The following FILIP1L variants were observed in gnomAD, a reference collection of about 807,000 sequenced individuals.
The protein encoded by FILIP1L is filamin A-interacting protein 1-like.
A neutral mutation model predicts 96.6 loss-of-function variants in FILIP1L; 55 were observed. The ratio of observed to expected loss-of-function variants is 0.57; its 90% CI spans 0.46 to 0.71. The LOEUF is 0.71. Ranked by LOEUF, FILIP1L falls within the 30% of genes least tolerant of loss-of-function variation. FILIP1L has a pLI of 0.00. For synonymous variants in FILIP1L, 467 were observed against 473.9 expected (o/e 0.99, Z 0.19); for missense variants, 1,304 against 1,321.2 (o/e 0.99, Z 0.20).
chr3:99,906,065 T>C (rs1706606267), intron 4 of FILIP1L, among the ~76,000 whole-genome samples: 1 of 152,082 alleles, frequency 6.6e-6, no homozygotes, highest in Non-Finnish European at 1.5e-5. Context: ...TGGTGGTGCA[T>C]GCCTGTGGTC....
At chr3:99,893,607 T>A (rs1049888665) in intron 4 of FILIP1L, among the ~76,000 whole-genome samples, 1 of 152,218 alleles carries the variant, frequency 6.6e-6, no homozygotes, top group African/African-American at 2.4e-5. Context: ...TACTATCATG[T>A]AGGTATCTAA....
intron 4 of FILIP1L, among the ~76,000 whole-genome samples, chr3:99,891,166 T>A (rs1706071566): frequency 6.6e-6 from 1 of 152,112 alleles, no homozygotes; most frequent in African/African-American, 2.4e-5. Flanking sequence ...TAACTCCCAA[T>A]GCCATAGTTC....
intron 1 of FILIP1L, among the ~76,000 whole-genome samples, chr3:99,991,543 C>T (rs1303808441): frequency 1.3e-5 from 2 of 151,486 alleles, no homozygotes. Context: ...TTTAGTGTAC[C>T]CATCACCCAA....
intron 1 of FILIP1L, among the ~76,000 whole-genome samples, chr3:100,069,187 G>A (rs1979629): frequency 0.085 from 12,887 of 152,136 alleles, 734 homozygotes; most frequent in Middle Eastern, 0.19. Context: ...CATACTGAGC[G>A]GATCACTGAG....
In FILIP1L at chr3:99,848,386, TTA is replaced by T; in HGVS notation, c.3288_3289del (p.Asn1097ArgfsTer9). The T allele has an allele frequency of 6.2e-7, 1 of 1,614,182 alleles. No homozygotes were observed. Among genetic ancestry groups the T allele is most frequent in the Non-Finnish European group, 8.5e-7 (1 of 1,180,016 alleles). ...ATTGGTTGTTTTGTTTAGTGCCCCG[TTA>T]ATTAAGCCTTGAGTTCGGTTATCCT... On this transcript the variant is annotated frameshift_variant, in exon 5 of 6. Transcript: ENST00000477258. LOFTEE classifies it high-confidence loss of function.
intron 1 of FILIP1L, among the ~76,000 whole-genome samples, chr3:100,020,673 G>C (rs2064795012): frequency 6.7e-6 from 1 of 149,406 alleles, no homozygotes; most frequent in Non-Finnish European, 1.5e-5. Flanking sequence ...TTTATTTTTA[G>C]TGATTTCATT....
At chr3:100,081,622 C>CTTG (rs2065933395) in intron 1 of FILIP1L, among the ~76,000 whole-genome samples, 1 of 152,104 alleles carries the variant, frequency 6.6e-6, no homozygotes. Flanking sequence ...GTCTGCATGC[C>CTTG]AGTATAGTGT....
chr3:99,999,392 T>G (rs1297698655), intron 1 of FILIP1L, among the ~76,000 whole-genome samples: 1 of 152,176 alleles, frequency 6.6e-6, no homozygotes, highest in Non-Finnish European at 1.5e-5. Context: ...TGTGCAATAG[T>G]AGTTGTATTT....
chr3:100,059,983 A>G (rs558011338), intron 1 of FILIP1L, among the ~76,000 whole-genome samples: 2 of 150,030 alleles, frequency 1.3e-5, no homozygotes, highest in Admixed American at 6.7e-5. Context: ...TTAATTTAAA[A>G]TGTGACCCAT....
chr3:100,064,646 G>T lies in FILIP1L; in HGVS notation c.-11+49407C>A, dbSNP rs527328714. On this transcript the variant is annotated intron_variant, in intron 1 of 5. Coordinates refer to ENST00000477258, the MANE Select transcript of FILIP1L (RefSeq NM_001387850.1). ...AGACTGGCAAAAGGGCTTGGAAAAT[G>T]CTTACAGACCTAATGGAACTTTTTA... 2.6e-5 allele frequency among the ~76,000 whole-genome samples: 4 copies of T among 152,304 alleles called. No individual in the cohort carries two copies. In the East Asian group the frequency reaches 7.7e-4, roughly 29 times the overall value.
chr3:99,948,114 G>A (rs1708064161), intron 1 of FILIP1L, among the ~76,000 whole-genome samples: 1 of 152,088 alleles, frequency 6.6e-6, no homozygotes, highest in Non-Finnish European at 1.5e-5. Flanking sequence ...GCTGTCTTAT[G>A]TCCAAAAAAT....
intron 3 of FILIP1L, among the ~76,000 whole-genome samples, chr3:99,926,766 A>T (rs1294977040): frequency 6.6e-6 from 1 of 152,222 alleles, no homozygotes; most frequent in African/African-American, 2.4e-5. Context: ...AACCAAAGAG[A>T]GAAAATAGAA....
chr3:100,112,706 C>T (rs576464048), intron 1 of FILIP1L, among the ~76,000 whole-genome samples: 17 of 152,136 alleles, frequency 1.1e-4, no homozygotes, highest in African/African-American at 3.9e-4. Flanking sequence ...TGGGAAATTA[C>T]TGAGAAAATT....
At chr3:100,009,212 A>G (rs888568567) in intron 1 of FILIP1L, among the ~76,000 whole-genome samples, 4 of 152,204 alleles carry the variant, frequency 2.6e-5, no homozygotes, top group African/African-American at 9.6e-5. Flanking sequence ...TGTTTGAAGA[A>G]ATTCTTGGAT....
chr3:100,056,362 A>G (rs1386663853), intron 1 of FILIP1L, among the ~76,000 whole-genome samples: 1 of 152,192 alleles, frequency 6.6e-6, no homozygotes, highest in Admixed American at 6.5e-5. Context: ...TTAAATTTCT[A>G]TGGGAGGCTT....
intron 1 of FILIP1L, among the ~76,000 whole-genome samples, chr3:99,952,669 A>G (rs952046838): frequency 1.3e-5 from 2 of 152,210 alleles, no homozygotes; most frequent in Admixed American, 6.5e-5. Context: ...TTCAAGAAGC[A>G]TGAATTTCCT....
chr3:100,022,428 A>G (rs1035467226), intron 1 of FILIP1L, among the ~76,000 whole-genome samples: 1 of 152,092 alleles, frequency 6.6e-6, no homozygotes, highest in African/African-American at 2.4e-5. Context: ...TATTCATTCC[A>G]TTTCTTTGGA....
At chr3:100,066,640 TC>T (rs1170301824) in intron 1 of FILIP1L, among the ~76,000 whole-genome samples, 2 of 117,956 alleles carry the variant, frequency 1.7e-5, no homozygotes, top group African/African-American at 3.0e-5. Context: ...CACGCCATTC[TC>T]CTGCCTCAGC....
chr3:99,832,123 A>G (rs898884779), intron 5 of FILIP1L, among the ~76,000 whole-genome samples: 1 of 152,150 alleles, frequency 6.6e-6, no homozygotes, highest in Non-Finnish European at 1.5e-5. Flanking sequence ...ATTGATGTGC[A>G]AGCTTTTGTT....
Sources: gnomAD v4.1 joint callset for allele counts (sites outside exome capture counted in the v4.1 genomes callset) on GRCh38, gnomAD v4.1.1 for gene constraint, MANE v1.5 for transcripts, NCBI Gene and HGNC (gene_info 2026-07-23, HGNC 2026-07-21) for gene names.